The following TARDBP variants were observed in gnomAD, a reference collection of about 807,000 sequenced individuals.
TARDBP encodes TAR DNA binding protein, also known as TAR DNA-binding protein 43.
Under a neutral mutation model 38.3 loss-of-function variants are expected in TARDBP, and 4 were observed. The ratio of observed to expected loss-of-function variants is 0.10; its 90% CI spans 0.05 to 0.24. The LOEUF is 0.24. Ranked by LOEUF, TARDBP falls within the 10% of genes least tolerant of loss-of-function variation. The pLI, the probability that TARDBP is intolerant of heterozygous loss-of-function variation, is 1.00. For synonymous variants in TARDBP, 184 were observed against 183.8 expected (o/e 1.00, Z -0.01); for missense variants, 202 against 521.9 (o/e 0.39, Z 5.97).
At chr1:11,027,677 C>A, downstream of TARDBP, 3 of 1,546,496 alleles carry the variant, frequency 1.9e-6, no homozygotes, top group Non-Finnish European at 2.6e-6. Flanking sequence ...AGGTAGAGAG[C>A]CTTTGTAAAA....
At chr1:11,021,548 G>C (rs540315273) in intron 5 of TARDBP, among the ~76,000 whole-genome samples, 193 of 152,268 alleles carry the variant, frequency 1.3e-3, no homozygotes, top group African/African-American at 4.6e-3. Flanking sequence ...AAAGTGCTGG[G>C]ATTACAGGCG....
In TARDBP at chr1:11,023,319, C is replaced by T. The variant is rs770786699; in HGVS notation, c.*665C>T. On this transcript the variant is annotated 3_prime_UTR_variant, in exon 6 of 6. Transcript: ENST00000240185. ...ATTCGTCATCACGCATCACAGGCCG[C>T]GTCTTTGACGGTGGGTGTCCCATTT... 98 of 1,489,392 alleles carry T rather than the reference C, an allele frequency of 6.6e-5. No individual in the cohort carries two copies. Among genetic ancestry groups the T allele is most frequent in the Middle Eastern group, 3.4e-4 (2 of 5,842 alleles). 92.3% of individuals were successfully genotyped at this position (1,489,392 alleles called of 1,614,324 possible).
chr1:11,028,696 G>GTT, downstream of TARDBP, among the ~76,000 whole-genome samples: 4 of 104,666 alleles, frequency 3.8e-5, no homozygotes, highest in African/African-American at 1.6e-4. Flanking sequence ...TATCTTTCTG[G>GTT]GTTTTTTTTC....
chr1:11,017,127 C>T (rs1038913825), intron 3 of TARDBP, 120 bp downstream of exon 3: 1 of 1,136,538 alleles, frequency 8.8e-7, no homozygotes, highest in African/African-American at 1.5e-5. Context: ...CGTCAAACTC[C>T]TGGGCCCATA....
At chr1:11,013,051 G>T (rs1643442335) in intron 1 of TARDBP, among the ~76,000 whole-genome samples, 1 of 152,208 alleles carries the variant, frequency 6.6e-6, no homozygotes, top group African/African-American at 2.4e-5. Context: ...GCTTGGGCCT[G>T]GTGCTCCTGC....
intron 5 of TARDBP, among the ~76,000 whole-genome samples, chr1:11,021,695 CA>C (rs1232931227): frequency 5.3e-5 from 8 of 152,210 alleles, no homozygotes; most frequent in Non-Finnish European, 1.2e-4. Flanking sequence ...GCTCAGCCTC[CA>C]GGGGGAGGAT....
At chr1:11,019,671 G>A (rs367910407) in intron 4 of TARDBP, among the ~76,000 whole-genome samples, 101 of 151,484 alleles carry the variant, frequency 6.7e-4, no homozygotes, top group African/African-American at 2.1e-3. Context: ...GGTTCACGTC[G>A]TTCTCCTGCC....
chr1:11,028,632 A>G (rs540797293), downstream of TARDBP, among the ~76,000 whole-genome samples: 5 of 152,180 alleles, frequency 3.3e-5, no homozygotes, highest in Admixed American at 2.0e-4. Flanking sequence ...AGCCAAATAC[A>G]GGTTTAAAAA....
At chr1:11,014,259 A>G (rs1261640931) in intron 2 of TARDBP, among the ~76,000 whole-genome samples, 3 of 152,236 alleles carry the variant, frequency 2.0e-5, no homozygotes, top group Non-Finnish European at 4.4e-5. Context: ...TCATTGTTGT[A>G]AATAGATTCT....
At position 11,022,469 on chromosome 1, in the gene TARDBP, C is replaced by T; in HGVS notation, c.1060C>T (p.Gln354Ter). Residue 354 changes from glutamine (Q) to a stop codon, truncating the protein, a stop_gained, in exon 6 of 6, where the codon CAA becomes TAA. Transcript: ENST00000240185. LOFTEE classifies it high-confidence loss of function. This position sits in a 1 kb window ranked among gnomAD's most constrained non-coding sequence, Gnocchi z 4.5. ...CCAGTCAGGCCCATCGGGTAATAAC[C>T]AAAACCAAGGCAACATGCAGAGGGA... is the stretch of plus-strand genomic sequence containing the variant. ...QNQSGPSGNN[Q>*]NQGNMQREPN... 1 of 1,609,646 alleles carries T rather than the reference C, an allele frequency of 6.2e-7. No individual in the cohort carries two copies. The highest frequency in any genetic ancestry group is 8.5e-7 in the Non-Finnish European group (1 of 1,176,300).
intron 4 of TARDBP, 141 bp downstream of exon 4, chr1:11,019,014 T>C: frequency 9.2e-7 from 1 of 1,089,502 alleles, no homozygotes. Flanking sequence ...CTTTGGCCCT[T>C]AGTGCATGCT....
downstream of TARDBP, chr1:11,027,499 G>A (rs1643758875): frequency 6.2e-7 from 1 of 1,614,046 alleles, no homozygotes; most frequent in Non-Finnish European, 8.5e-7. Context: ...TAGACGGCAT[G>A]AGCAGCTGTT....
chr1:11,012,774 C>G (rs75558270), intron 1 of TARDBP, 31 bp downstream of exon 1: 3 of 152,354 alleles, frequency 2.0e-5, no homozygotes, highest in Non-Finnish European at 2.9e-5. Flanking sequence ...ACTGAGGACG[C>G]CGTAGGTGCC....
intron 1 of TARDBP, among the ~76,000 whole-genome samples, chr1:11,013,253 A>T (rs539431735): frequency 1.3e-5 from 2 of 152,230 alleles, no homozygotes; most frequent in Non-Finnish European, 2.9e-5. Context: ...TTCACTGCCC[A>T]TATTCAGTCT....
chr1:11,020,329 C>A, intron 4 of TARDBP, 100 bp from the exon 5 acceptor site: 2 of 1,420,548 alleles, frequency 1.4e-6, no homozygotes, highest in Non-Finnish European at 2.0e-6. Flanking sequence ...TGGTTCACTG[C>A]TATCCAAGGC....
At chr1:11,013,592 A>G (rs1391854293) in intron 1 of TARDBP, 124 bp from the exon 2 acceptor site, 4 of 780,976 alleles carry the variant, frequency 5.1e-6, no homozygotes, top group Admixed American at 2.1e-5. Flanking sequence ...TAACCAATGC[A>G]TATACGAATC....
chr1:11,015,893 C>T (rs1472546478), intron 2 of TARDBP, among the ~76,000 whole-genome samples: 1 of 150,570 alleles, frequency 6.6e-6, no homozygotes, highest in Non-Finnish European at 1.5e-5. Context: ...CAGGTGCCTG[C>T]CACCACGCCT....
In TARDBP at chr1:11,020,345, A is replaced by AT. The variant is rs1486212151; in HGVS notation, c.544-80dup. 9 of 1,548,996 alleles carry AT rather than the reference A, an allele frequency of 5.8e-6. No individual in the cohort carries two copies. In the East Asian group the frequency reaches 2.0e-4, roughly 35 times the overall value. ...GGTTCACTGCTATCCAAGGCGAATG[A>AT]TTTTGTTATATCCCTTACCTTAATG... On this transcript the variant is annotated intron_variant, in intron 4 of 5. Transcript: ENST00000240185.
chr1:11,028,678 T>C (rs541857815), downstream of TARDBP, among the ~76,000 whole-genome samples: 1 of 150,508 alleles, frequency 6.6e-6, no homozygotes, highest in Admixed American at 6.7e-5. Flanking sequence ...GGGTAATTAA[T>C]ATATTACTAT....
Sources: gnomAD v4.1 joint callset for allele counts (sites outside exome capture counted in the v4.1 genomes callset) on GRCh38, gnomAD v4.1.1 for gene constraint, Gnocchi (gnomAD v3.1) non-coding constraint, MANE v1.5 for transcripts, NCBI Gene and HGNC (gene_info 2026-07-23, HGNC 2026-07-21) for gene names.